Variants in MTMR3 observed in about 807,000 individuals in gnomAD.
The protein encoded by MTMR3 is phosphatidylinositol-3,5-bisphosphate 3-phosphatase MTMR3.
A neutral mutation model predicts 132.4 loss-of-function variants in MTMR3; 32 were observed. That is an observed-to-expected ratio of 0.24 (90% CI 0.18 to 0.32). MTMR3 has a LOEUF of 0.32. MTMR3 is among the 10% of genes least tolerant of loss of function. MTMR3 has a pLI of 1.00. For missense variants in MTMR3, 1,216 were observed against 1,489.6 expected (o/e 0.82, Z 3.02); for synonymous variants, 556 against 550.3 (o/e 1.01, Z -0.14).
intron 1 of MTMR3, among the ~76,000 whole-genome samples, chr22:29,948,535 G>A (rs1253070464): frequency 6.6e-6 from 1 of 152,146 alleles, no homozygotes; most frequent in African/African-American, 2.4e-5. Context: ...ACACAGAATA[G>A]GAATGGCATG....
At chr22:29,941,911 A>G (rs2065864589) in intron 1 of MTMR3, among the ~76,000 whole-genome samples, 1 of 152,206 alleles carries the variant, frequency 6.6e-6, no homozygotes, top group Non-Finnish European at 1.5e-5. Context: ...GAGTCCCAGG[A>G]GTCTGAAGTT....
intron 6 of MTMR3, 76 bp from the exon 7 acceptor site, chr22:29,991,428 T>C (rs1202289310): frequency 8.9e-6 from 13 of 1,462,026 alleles, no homozygotes; most frequent in South Asian, 1.4e-5. Context: ...GTGGGCATTC[T>C]TGAAATAATG....
chr22:29,994,972 T>C (rs189019909), intron 7 of MTMR3: 1 of 152,400 alleles, frequency 6.6e-6, no homozygotes, highest in East Asian at 1.9e-4. Context: ...TTCTCTCCCA[T>C]GTCCTTAACT....
In MTMR3 at chr22:29,928,048, C is replaced by G. The variant is rs2065556684; in HGVS notation, c.-137-28988C>G. ...CTCCACCTCCTGGGTTCAAGCGATT[C>G]TCCTGCCTCAGCCACCCAAGTAGCT... On this transcript the variant is annotated intron_variant, in intron 1 of 19. Coordinates refer to ENST00000401950, the MANE Select transcript of MTMR3 (RefSeq NM_021090.4). 2.0e-5 allele frequency among the ~76,000 whole-genome samples: 3 copies of G among 148,972 alleles called. No homozygotes were observed. In the South Asian group the frequency reaches 6.4e-4, roughly 32 times the overall value.
intron 1 of MTMR3, among the ~76,000 whole-genome samples, chr22:29,952,297 G>T (rs1443089169): frequency 1.3e-5 from 2 of 152,040 alleles, no homozygotes; most frequent in Non-Finnish European, 2.9e-5. Flanking sequence ...CCCACAGCTG[G>T]CAGAGTAATG....
At chr22:29,957,570 G>A (rs934163114) in intron 2 of MTMR3, among the ~76,000 whole-genome samples, 1 of 151,890 alleles carries the variant, frequency 6.6e-6, no homozygotes, top group African/African-American at 2.4e-5. Context: ...TCCTGCCTCC[G>A]CCTCCCAGTT....
intron 3 of MTMR3, among the ~76,000 whole-genome samples, chr22:29,971,944 T>G (rs558557071): frequency 1.6e-4 from 24 of 152,328 alleles, no homozygotes; most frequent in African/African-American, 5.8e-4. Context: ...AAGGCTACAT[T>G]AATTTCAAGC....
At chr22:29,910,267 G>A (rs1373502983) in intron 1 of MTMR3, among the ~76,000 whole-genome samples, 1 of 152,126 alleles carries the variant, frequency 6.6e-6, no homozygotes, top group Non-Finnish European at 1.5e-5. Flanking sequence ...CAAATCCAGT[G>A]CAGTTATGTA....
At chr22:29,905,735 T>C (rs1259710681) in intron 1 of MTMR3, among the ~76,000 whole-genome samples, 1 of 152,196 alleles carries the variant, frequency 6.6e-6, no homozygotes, top group Non-Finnish European at 1.5e-5. Context: ...GTATTCGGTG[T>C]TTTTGAACTT....
Position 30,025,781 on chromosome 22 carries a change from A to G in MTMR3, c.3577A>G (p.Ile1193Val). 5.0e-6 allele frequency: 8 copies of G among 1,614,080 alleles called. No homozygotes were observed. The highest frequency in any genetic ancestry group is 6.8e-6 in the Non-Finnish European group (8 of 1,180,016). Residue 1193 changes from isoleucine (I) to valine (V), a missense_variant, in exon 20 of 20, where the codon ATT becomes GTT. Ile to Val is a conservative substitution (Grantham distance 29). This residue lies in a region of MTMR3 where 852 missense variants were observed against 852.0 expected (regional missense o/e 1.00). Coordinates refer to ENST00000401950, the MANE Select transcript of MTMR3 (RefSeq NM_021090.4). Reference sequence around the variant, plus strand: ...CATTGACCTTGAACTGGATAAGCCCATTGCTGCCACTTCCAACTGAAGCTC... The same window carrying G: ...CATTGACCTTGAACTGGATAAGCCCGTTGCTGCCACTTCCAACTGAAGCTC... ...SSIDLELDKP[I>V]AATSN
intron 1 of MTMR3, among the ~76,000 whole-genome samples, chr22:29,888,447 T>C (rs2064721989): frequency 6.6e-6 from 1 of 152,150 alleles, no homozygotes; most frequent in Admixed American, 6.6e-5. Flanking sequence ...GTCTATAAAA[T>C]AGTAAGGCAT....
intron 2 of MTMR3, among the ~76,000 whole-genome samples, chr22:29,968,309 T>A (rs1358882429): frequency 6.6e-6 from 1 of 152,234 alleles, no homozygotes; most frequent in Non-Finnish European, 1.5e-5. Context: ...ATGCATTAAA[T>A]TCACTTCCAT....
At chr22:30,012,328 A>T (rs1158866484) in intron 12 of MTMR3, 40 bp from the exon 13 acceptor site, 31 of 1,583,066 alleles carry the variant, frequency 2.0e-5, no homozygotes, top group East Asian at 4.5e-5. Flanking sequence ...AGTAAATCAT[A>T]AAAAAATCAG....
intron 1 of MTMR3, among the ~76,000 whole-genome samples, chr22:29,913,934 G>A (rs1464636288): frequency 6.6e-6 from 1 of 152,074 alleles, no homozygotes; most frequent in Non-Finnish European, 1.5e-5. Flanking sequence ...TGTATTTTTA[G>A]TAGAGACGGA....
intron 1 of MTMR3, among the ~76,000 whole-genome samples, chr22:29,942,867 T>G (rs192870134): frequency 2.0e-5 from 3 of 152,320 alleles, no homozygotes; most frequent in Non-Finnish European, 2.9e-5. Context: ...ACAAACAACT[T>G]GTGCAATTAA....
Position 30,007,856 on chromosome 22 carries a change from G to GA in MTMR3, c.878-44dup, listed in dbSNP as rs766787277. On this transcript the variant is annotated intron_variant, in intron 10 of 19. Coordinates refer to ENST00000401950, the MANE Select transcript of MTMR3 (RefSeq NM_021090.4). ...TGGGTCTAATTCTGCACAGTTCTGGGAGAGACAGGCTCATTTAGTATGCCC... is the reference window on the plus strand; with the variant it reads ...TGGGTCTAATTCTGCACAGTTCTGGGAAGAGACAGGCTCATTTAGTATGCCC... The GA allele has an allele frequency of 2.0e-5, 32 of 1,608,456 alleles. No homozygotes were observed. In the African/African-American group the frequency reaches 4.1e-4, roughly 21 times the overall value.
intron 1 of MTMR3, among the ~76,000 whole-genome samples, chr22:29,914,726 G>C (rs1314244278): frequency 6.6e-6 from 1 of 151,800 alleles, no homozygotes; most frequent in African/African-American, 2.4e-5. Context: ...AGCTTTGTTT[G>C]ACATTTGGGT....
At chr22:29,894,929 T>G (rs2064864693) in intron 1 of MTMR3, among the ~76,000 whole-genome samples, 1 of 152,236 alleles carries the variant, frequency 6.6e-6, no homozygotes, top group African/African-American at 2.4e-5. Flanking sequence ...AGAGTAAGAT[T>G]AGGCTGGATG....
In MTMR3 at chr22:30,023,112, T is replaced by C. The variant is rs569725148; in HGVS notation, c.3425+415T>C. On this transcript the variant is annotated intron_variant, in intron 19 of 19. Coordinates refer to ENST00000401950, the MANE Select transcript of MTMR3 (RefSeq NM_021090.4). ...CCCACACTTGTTTTCCCTTGTGCCA[T>C]TGGTGAGCAGCTGTAGCTTGGGAAG... 4.0e-5 allele frequency: 16 copies of C among 403,280 alleles called. No individual in the cohort carries two copies. The East Asian group carries it at 5.1e-4, about 13-fold the overall frequency. 25.0% of individuals were successfully genotyped at this position (403,280 alleles called of 1,614,324 possible). A position where few individuals can be genotyped will look rare whatever the true frequency, so the allele number is the denominator to read the frequency against.
Sources: gnomAD v4.1 joint callset for allele counts (sites outside exome capture counted in the v4.1 genomes callset) on GRCh38, gnomAD v4.1.1 for gene constraint, gnomAD v4.1.1 regional missense constraint, MANE v1.5 for transcripts, NCBI Gene and HGNC (gene_info 2026-07-23, HGNC 2026-07-21) for gene names.